HYAL4: variants seen among roughly 807,000 people sequenced by gnomAD.
HYAL4 encodes hyaluronidase 4.
HYAL4 carries 37 observed loss-of-function variants against 35.2 expected under a neutral mutation model. That is an observed-to-expected ratio of 1.05 (90% CI 0.81 to 1.38). The LOEUF is 1.38. HYAL4 is among the 40% of genes most tolerant of loss of function. HYAL4 has a pLI of 0.00. For missense variants in HYAL4, 572 were observed against 572.4 expected (o/e 1.00, Z 0.01); for synonymous variants, 198 against 203.2 (o/e 0.97, Z 0.22).
At chr7:123,814,448 G>A in the HYAL4 span, 85 of 152,764 alleles carry the variant, frequency 5.6e-4, no homozygotes, top group African/African-American at 1.9e-3. Flanking sequence ...ACCGCAGAAT[G>A]TGAGCCTTTC....
chr7:123,865,025 G>A (rs1310810527), intron 2 of HYAL4, among the ~76,000 whole-genome samples: 1 of 151,884 alleles, frequency 6.6e-6, no homozygotes, highest in African/African-American at 2.4e-5. Context: ...CAGTTCACCA[G>A]TTCTCTTTCA....
chr7:123,806,547 G>A, the HYAL4 span, among the ~76,000 whole-genome samples: 3 of 151,774 alleles, frequency 2.0e-5, no homozygotes, highest in Non-Finnish European at 1.5e-5. Flanking sequence ...AGGTTCAAGC[G>A]ATTCTCCTGC....
At chr7:123,805,612 T>G in the HYAL4 span, among the ~76,000 whole-genome samples, 2 of 151,842 alleles carry the variant, frequency 1.3e-5, no homozygotes, top group African/African-American at 4.8e-5. Flanking sequence ...AGAAATAGAA[T>G]GATGGAGGCA....
chr7:123,788,583 A>C, the HYAL4 span, among the ~76,000 whole-genome samples: 2 of 152,204 alleles, frequency 1.3e-5, no homozygotes, highest in African/African-American at 2.4e-5. Flanking sequence ...CTCTTCACAT[A>C]TTGTGAAGTT....
chr7:123,868,902 G>T lies in HYAL4; in HGVS notation c.629G>T (p.Arg210Leu), dbSNP rs372110160. The stretch of plus-strand genomic sequence containing the variant: ...ACCATCAAATTGGGAATTAAGAGCC[G>T]ACCCAAAGGCCTTTGGGGTTATTAT... ...KETIKLGIKS[R>L]PKGLWGYYLY... The change falls in exon 3 of 5, where the codon CGA (arginine) becomes CTA (leucine). Residue 210 changes from arginine to leucine, a missense_variant. Arg to Leu is a moderately radical substitution (Grantham distance 102, BLOSUM62 -2). Transcript: ENST00000223026. The T allele has an allele frequency of 6.2e-7, 1 of 1,614,076 alleles. No individual in the cohort carries two copies. Among genetic ancestry groups the T allele is most frequent in the South Asian group, 1.1e-5 (1 of 91,056 alleles).
At chr7:123,852,351 C>G (rs1806325117) in intron 2 of HYAL4, among the ~76,000 whole-genome samples, 1 of 152,078 alleles carries the variant, frequency 6.6e-6, no homozygotes, top group Admixed American at 6.5e-5. Context: ...AGGTTTTCTT[C>G]TAGGGTTTTT....
intron 4 of HYAL4, chr7:123,875,972 GC>G: frequency 2.2e-6 from 1 of 456,000 alleles, no homozygotes; most frequent in Non-Finnish European, 4.4e-6. Flanking sequence ...TTATGCCTAT[GC>G]CCACATATGA....
chr7:123,782,500 A>G, the HYAL4 span, among the ~76,000 whole-genome samples: 18 of 152,090 alleles, frequency 1.2e-4, no homozygotes, highest in African/African-American at 4.3e-4. Context: ...ATATTGATTT[A>G]GTTTTTTTTC....
the HYAL4 span, among the ~76,000 whole-genome samples, chr7:123,813,487 T>A: frequency 6.7e-6 from 1 of 149,924 alleles, no homozygotes; most frequent in East Asian, 2.0e-4. Context: ...GATTTTAGGC[T>A]TGTTTATATG....
At chr7:123,870,148 A>G (rs1584927030) in intron 3 of HYAL4, among the ~76,000 whole-genome samples, 1 of 152,312 alleles carries the variant, frequency 6.6e-6, no homozygotes, top group Non-Finnish European at 1.5e-5. Context: ...TTTCTCCACC[A>G]TTACAAATTT....
intron 1 of HYAL4, among the ~76,000 whole-genome samples, chr7:123,837,526 AT>A (rs891379891): frequency 4.7e-5 from 7 of 150,428 alleles, no homozygotes; most frequent in African/African-American, 9.7e-5. Context: ...TGGCATTGCC[AT>A]TTTTTTTTTA....
the HYAL4 span, among the ~76,000 whole-genome samples, chr7:123,823,744 TAC>T: frequency 0.018 from 2,079 of 112,872 alleles, 44 homozygotes; most frequent in African/African-American, 0.073. Flanking sequence ...TATATATATA[TAC>T]ACACACACAC....
intron 2 of HYAL4, among the ~76,000 whole-genome samples, chr7:123,860,432 T>C (rs1375995109): frequency 6.6e-6 from 1 of 152,188 alleles, no homozygotes; most frequent in Non-Finnish European, 1.5e-5. Context: ...TATATTCCTT[T>C]CTTTGAAAAA....
chr7:123,846,908 C>T (rs1345725911), intron 1 of HYAL4, among the ~76,000 whole-genome samples: 2 of 152,160 alleles, frequency 1.3e-5, no homozygotes, highest in African/African-American at 4.8e-5. Flanking sequence ...ATGATCTAGA[C>T]CTTCAGGTTC....
At chr7:123,802,085 A>G in the HYAL4 span, among the ~76,000 whole-genome samples, 10 of 152,310 alleles carry the variant, frequency 6.6e-5, no homozygotes, top group Admixed American at 2.0e-4. Flanking sequence ...GAAACTGAGC[A>G]TATGATCTCC....
chr7:123,877,218 T>A lies in HYAL4; in HGVS notation c.*63T>A, dbSNP rs1807052957. The A allele has an allele frequency of 4.1e-6, 6 of 1,469,146 alleles. No homozygotes were observed. Among genetic ancestry groups the A allele is most frequent in the Non-Finnish European group, 4.6e-6 (5 of 1,089,542 alleles). The allele number at this position is 1,469,146 out of a possible 1,614,324, so 91.0% of individuals were successfully genotyped here. On this transcript the variant is annotated 3_prime_UTR_variant, in exon 5 of 5. Transcript: ENST00000223026. ...CTAGTCATTTAAAGAAGGATGTAAC[T>A]TATAACATTTTTTTTCTCTTATGAA...
chr7:123,871,692 A>G (rs751200039), intron 3 of HYAL4, among the ~76,000 whole-genome samples: 5 of 152,198 alleles, frequency 3.3e-5, no homozygotes, highest in Non-Finnish European at 7.3e-5. Flanking sequence ...GTCTTCATGT[A>G]CAAAATGGGA....
the HYAL4 span, among the ~76,000 whole-genome samples, chr7:123,796,358 A>AAGTATTTAT: frequency 1.1e-4 from 16 of 152,338 alleles, no homozygotes; most frequent in South Asian, 1.7e-3. Flanking sequence ...AAATGTTTTT[A>AAGTATTTAT]AAGAAACATT....
intron 1 of HYAL4, among the ~76,000 whole-genome samples, chr7:123,839,074 T>C (rs894008063): frequency 2.6e-5 from 4 of 152,040 alleles, no homozygotes; most frequent in Non-Finnish European, 5.9e-5. Context: ...GCCATGTTGG[T>C]TTGCCACACC....
Sources: gnomAD v4.1 joint callset for allele counts (sites outside exome capture counted in the v4.1 genomes callset) on GRCh38, gnomAD v4.1.1 for gene constraint, MANE v1.5 for transcripts, NCBI Gene and HGNC (gene_info 2026-07-23, HGNC 2026-07-21) for gene names.